Variants in NOG observed in about 807,000 individuals in gnomAD.
The protein encoded by NOG is noggin.
NOG carries 2 observed loss-of-function variants against 17.9 expected under a neutral mutation model. The observed-to-expected ratio is 0.11, with a 90% confidence interval of 0.05 to 0.35. NOG has a LOEUF of 0.35. Ranked by LOEUF, NOG falls within the 10% of genes least tolerant of loss-of-function variation. The pLI, the probability that NOG is intolerant of heterozygous loss-of-function variation, is 1.00. For synonymous variants in NOG, 166 were observed against 148.7 expected (o/e 1.12, Z -0.85); for missense variants, 266 against 318.6 (o/e 0.83, Z 1.26).
At position 56,595,255 on chromosome 17, in the gene NOG, A is replaced by T; in HGVS notation, c.*333A>T. On this transcript the variant is annotated 3_prime_UTR_variant, in exon 1 of 1. Transcript: ENST00000332822. ...AAAAAAAAAAGAACAGAGAAAAGAG[A>T]GACTTATTCTGGTTGTTGCTAATAA... 4.7e-6 allele frequency: 1 copy of T among 211,032 alleles called. No individual in the cohort carries two copies. 13.1% of individuals were successfully genotyped at this position (211,032 alleles called of 1,614,324 possible).
chr17:56,595,486 A>G lies in NOG; in HGVS notation c.*564A>G, dbSNP rs977932374. On this transcript the variant is annotated 3_prime_UTR_variant, in exon 1 of 1. Transcript: ENST00000332822. ...ATGTTATTTTACAGTTATTGTAAATATAGAGAACAAATGGAATGACTAATC... is the reference window on the plus strand; with the variant it reads ...ATGTTATTTTACAGTTATTGTAAATGTAGAGAACAAATGGAATGACTAATC... The G allele has an allele frequency of 1.2e-5, 2 of 167,166 alleles. No individual in the cohort carries two copies. Among genetic ancestry groups the G allele is most frequent in the Non-Finnish European group, 2.9e-5 (2 of 68,142 alleles). 10.4% of individuals were successfully genotyped at this position (167,166 alleles called of 1,614,324 possible).
rs2145566757 is a variant in NOG at position 56,594,071 on chromosome 17, T to C, written c.-153T>C. The stretch of plus-strand genomic sequence containing the variant: ...TGGGAGCCGGCGCTGCGCGAAGGGC[T>C]CTCCCGGCGGCTCATGCTGCCGGCC... On this transcript the variant is annotated 5_prime_UTR_variant, in exon 1 of 1. Coordinates refer to ENST00000332822, the MANE Select transcript of NOG (RefSeq NM_005450.6). 1.9e-6 allele frequency: 1 copy of C among 538,506 alleles called. No individual in the cohort carries two copies. 33.4% of individuals were successfully genotyped at this position (538,506 alleles called of 1,614,324 possible). A position where few individuals can be genotyped will look rare whatever the true frequency, so the allele number is the denominator to read the frequency against.
At position 56,594,892 on chromosome 17, in the gene NOG, C is replaced by G; in HGVS notation, c.669C>G (p.Pro223=). The change falls in exon 1 of 1, where the codon CCC becomes CCG. Residue 223 remains proline, a synonymous_variant. Transcript: ENST00000332822. The stretch of plus-strand genomic sequence containing the variant: ...GCGGCTGGATTCCCATCCAGTACCC[C>G]ATCATTTCCGAGTGCAAGTGCTCGT... ...QRCGWIPIQY[P]IISECKCSC is the part of the protein sequence containing the mutation. The G allele has an allele frequency of 6.3e-7, 1 of 1,595,620 alleles. No homozygotes were observed. The highest frequency in any genetic ancestry group is 1.3e-5 in the African/African-American group (1 of 74,672).
At position 56,594,974 on chromosome 17, in the gene NOG, G is replaced by T; in HGVS notation, c.*52G>T. 7.5e-7 allele frequency: 1 copy of T among 1,337,760 alleles called. No individual in the cohort carries two copies. Among genetic ancestry groups the T allele is most frequent in the Non-Finnish European group, 1.0e-6 (1 of 958,806 alleles). 82.9% of individuals were successfully genotyped at this position (1,337,760 alleles called of 1,614,324 possible). ...GGACACTTGATCGATCCCCACCGACGCCCCCTGCACCGCCTCCAACCAGTT... is the reference window on the plus strand; with the variant it reads ...GGACACTTGATCGATCCCCACCGACTCCCCCTGCACCGCCTCCAACCAGTT... On this transcript the variant is annotated 3_prime_UTR_variant, in exon 1 of 1. Transcript: ENST00000332822.
Position 56,594,287 on chromosome 17 carries a change from G to A in NOG, c.64G>A (p.Ala22Thr). 2 of 1,612,352 alleles carry A rather than the reference G, an allele frequency of 1.2e-6. No individual in the cohort carries two copies. The highest frequency in any genetic ancestry group is 1.7e-6 in the Non-Finnish European group (2 of 1,179,582). ...CCTGGTGGTGGTCCTGGGGCTGCGG[G>A]CGACACCGGCCGGCGGCCAGCACTA... ...YALVVVLGLR[A>T]TPAGGQHYLH... The change falls in exon 1 of 1, where the codon GCG (alanine) becomes ACG (threonine). Residue 22 changes from alanine (A) to threonine (T), a missense_variant. Around this residue, in one of 2 missense-constraint regions of NOG, gnomAD observed 192 missense variants for 197.6 expected, o/e 0.97. Coordinates refer to ENST00000332822, the MANE Select transcript of NOG (RefSeq NM_005450.6).
chr17:56,594,739 C>T lies in NOG; in HGVS notation c.516C>T (p.Tyr172=). Residue 172 remains tyrosine (Y), a synonymous_variant, in exon 1 of 1, where the codon TAC becomes TAT. Transcript: ENST00000332822. ...TGGGCAGCCGCTTTTGGCCGCGCTA[C>T]GTGAAGGTGGGCAGCTGCTTCAGTA... ...NDLGSRFWPR[Y]VKVGSCFSKR... is the part of the protein sequence containing the mutation. 2 of 1,613,934 alleles carry T rather than the reference C, an allele frequency of 1.2e-6. No homozygotes were observed. Among genetic ancestry groups the T allele is most frequent in the Non-Finnish European group, 1.7e-6 (2 of 1,179,886 alleles).
In NOG at chr17:56,595,011, T is replaced by G; in HGVS notation, c.*89T>G. 6.0e-6 allele frequency: 4 copies of G among 665,154 alleles called. No individual in the cohort carries two copies. The highest frequency in any genetic ancestry group is 1.0e-5 in the Non-Finnish European group (4 of 395,092). The allele number at this position is 665,154 out of a possible 1,614,324, so 41.2% of individuals were successfully genotyped here. A position where few individuals can be genotyped will look rare whatever the true frequency, so the allele number is the denominator to read the frequency against. ...GCCTCCAACCAGTTCCACCACCCTC[T>G]AGCGAGGGTTTTCAATGAACTTTTT... On this transcript the variant is annotated 3_prime_UTR_variant, in exon 1 of 1. Coordinates refer to ENST00000332822, the MANE Select transcript of NOG (RefSeq NM_005450.6).
rs755324318 is a variant in NOG, at chr17:56,594,683, T to G, written c.460T>G (p.Phe154Val). 6.2e-7 allele frequency: 1 copy of G among 1,613,788 alleles called. No individual in the cohort carries two copies. The highest frequency in any genetic ancestry group is 8.5e-7 in the Non-Finnish European group (1 of 1,179,944). The change falls in exon 1 of 1, where the codon TTC becomes GTC. Residue 154 changes from phenylalanine to valine, a missense_variant. Physicochemically the swap from Phe to Val is conservative, Grantham distance 50. Coordinates refer to ENST00000332822, the MANE Select transcript of NOG (RefSeq NM_005450.6). ...ACAGATGTGGCTGTGGTCGCAGACA[T>G]TCTGCCCCGTGCTGTACGCGTGGAA... ...KLQMWLWSQT[F>V]CPVLYAWNDL...
rs913873167 is a variant in NOG, at chr17:56,595,494, C to A, written c.*572C>A. 6.0e-6 allele frequency: 1 copy of A among 167,038 alleles called. No homozygotes were observed. The highest frequency in any genetic ancestry group is 2.4e-5 in the African/African-American group (1 of 41,438). 10.3% of individuals were successfully genotyped at this position (167,038 alleles called of 1,614,324 possible). A position where few individuals can be genotyped will look rare whatever the true frequency, so the allele number is the denominator to read the frequency against. ...TTACAGTTATTGTAAATATAGAGAACAAATGGAATGACTAATCATTGTAAA... is the reference window on the plus strand; with the variant it reads ...TTACAGTTATTGTAAATATAGAGAAAAAATGGAATGACTAATCATTGTAAA... On this transcript the variant is annotated 3_prime_UTR_variant, in exon 1 of 1. Coordinates refer to ENST00000332822, the MANE Select transcript of NOG (RefSeq NM_005450.6).
chr17:56,594,124 G>T lies in NOG; in HGVS notation c.-100G>T. The T allele has an allele frequency of 9.4e-7, 1 of 1,069,402 alleles. No individual in the cohort carries two copies. The highest frequency in any genetic ancestry group is 1.3e-6 in the Non-Finnish European group (1 of 777,680). 66.2% of individuals were successfully genotyped at this position (1,069,402 alleles called of 1,614,324 possible). A position where few individuals can be genotyped will look rare whatever the true frequency, so the allele number is the denominator to read the frequency against. On this transcript the variant is annotated 5_prime_UTR_variant, in exon 1 of 1. Transcript: ENST00000332822. ...GCGCCTGCCCAGCCTCGGGTGAGCC[G>T]CCTCCGGAGAGACGGGGGAGCGCGG...
chr17:56,594,904 G>C lies in NOG; in HGVS notation c.681G>C (p.Glu227Asp), dbSNP rs1272537705. The C allele has an allele frequency of 1.9e-6, 3 of 1,587,628 alleles. 1 individual carries two copies. Among genetic ancestry groups the C allele is most frequent in the East Asian group, 2.3e-5 (1 of 43,462 alleles). The change falls in exon 1 of 1, where the codon GAG becomes GAC. Residue 227 changes from glutamate to aspartate, a missense_variant. By Grantham distance (45) the Glu-to-Asp change is conservative. Around this residue, in one of 2 missense-constraint regions of NOG, gnomAD observed 74 missense variants for 121.0 expected, o/e 0.61. Transcript: ENST00000332822. ...CCATCCAGTACCCCATCATTTCCGA[G>C]TGCAAGTGCTCGTGCTAGAACTCGG... is the stretch of plus-strand genomic sequence containing the variant. Reference protein sequence around the residue: ...WIPIQYPIISECKCSC With the variant: ...WIPIQYPIISDCKCSC
chr17:56,595,024 C>G lies in NOG; in HGVS notation c.*102C>G, dbSNP rs2052474016. On this transcript the variant is annotated 3_prime_UTR_variant, in exon 1 of 1. Transcript: ENST00000332822. ...TCCACCACCCTCTAGCGAGGGTTTT[C>G]AATGAACTTTTTTTTTTTTTTTTTT... 2 of 452,760 alleles carry G rather than the reference C, an allele frequency of 4.4e-6. No homozygotes were observed. 28.0% of individuals were successfully genotyped at this position (452,760 alleles called of 1,614,324 possible).
rs764285839 is a variant in NOG at position 56,594,548 on chromosome 17, C to T, written c.325C>T (p.Arg109Trp). The T allele has an allele frequency of 6.3e-7, 1 of 1,592,396 alleles. No homozygotes were observed. Among genetic ancestry groups the T allele is most frequent in the Admixed American group, 1.8e-5 (1 of 56,738 alleles). ...CCTGGCGGAGCTGGACCAGCTGCTG[C>T]GGCAGCGGCCGTCGGGGGCCATGCC... ...EDLAELDQLL[R>W]QRPSGAMPSE... Residue 109 changes from arginine to tryptophan, a missense_variant, in exon 1 of 1, where the codon CGG becomes TGG. By Grantham distance (101) the Arg-to-Trp change is moderately radical. Transcript: ENST00000332822.
Position 56,594,528 on chromosome 17 carries a change from C to A in NOG, c.305C>A (p.Ala102Glu). The change falls in exon 1 of 1, where the codon GCG (alanine) becomes GAG (glutamate). Residue 102 changes from alanine to glutamate, a missense_variant. Around this residue, in one of 2 missense-constraint regions of NOG, gnomAD observed 192 missense variants for 197.6 expected, o/e 0.97. Transcript: ENST00000332822. ...GGAAGGAEDL[A>E]ELDQLLRQRP... is the part of the protein sequence containing the mutation. ...GCAGCTGGGGGCGCGGAGGACCTGG[C>A]GGAGCTGGACCAGCTGCTGCGGCAG... 2 of 1,601,218 alleles carry A rather than the reference C, an allele frequency of 1.2e-6. No homozygotes were observed. The highest frequency in any genetic ancestry group is 1.7e-6 in the Non-Finnish European group (2 of 1,173,170).
Position 56,593,933 on chromosome 17 carries a change from C to T in NOG, c.-291C>T, listed in dbSNP as rs985641651. The stretch of plus-strand genomic sequence containing the variant: ...GGAAGGCAGCGAGGAGCCGGCGCCT[C>T]CCGCGCCCCGCGGTCGCCCTGGAGT... On this transcript the variant is annotated 5_prime_UTR_variant, in exon 1 of 1. Coordinates refer to ENST00000332822, the MANE Select transcript of NOG (RefSeq NM_005450.6). The T allele has an allele frequency of 2.1e-5, 8 of 374,758 alleles. 1 individual carries two copies. The highest frequency in any genetic ancestry group is 2.1e-5 in the African/African-American group (1 of 46,754). The allele number at this position is 374,758 out of a possible 1,614,324, so 23.2% of individuals were successfully genotyped here.
At position 56,594,498 on chromosome 17, in the gene NOG, G is replaced by A. The variant is rs199566527; in HGVS notation, c.275G>A (p.Gly92Glu). 3,446 of 1,609,394 alleles carry A rather than the reference G, an allele frequency of 2.1e-3. 5 individuals carry two copies. The highest frequency in any genetic ancestry group is 2.6e-3 in the Non-Finnish European group (3,120 of 1,177,974). Residue 92 changes from glycine (G) to glutamate (E), a missense_variant, in exon 1 of 1, where the codon GGG (glycine) becomes GAG (glutamate). Gly to Glu is a moderately conservative substitution (Grantham distance 98). Coordinates refer to ENST00000332822, the MANE Select transcript of NOG (RefSeq NM_005450.6). ...SPPEDRPGGG[G>E]GAAGGAEDLA... ...CCCGAGGACCGGCCCGGCGGGGGCG[G>A]GGGTGCAGCTGGGGGCGCGGAGGAC...
At position 56,594,753 on chromosome 17, in the gene NOG, G is replaced by A. The variant is rs2052471473; in HGVS notation, c.530G>A (p.Ser177Asn). 6.2e-7 allele frequency: 1 copy of A among 1,613,762 alleles called. No homozygotes were observed. The highest frequency in any genetic ancestry group is 8.5e-7 in the Non-Finnish European group (1 of 1,179,846). Residue 177 changes from serine (S) to asparagine (N), a missense_variant, in exon 1 of 1, where the codon AGC becomes AAC. Around this residue, in one of 2 missense-constraint regions of NOG, gnomAD observed 74 missense variants for 121.0 expected, o/e 0.61. Coordinates refer to ENST00000332822, the MANE Select transcript of NOG (RefSeq NM_005450.6). ...TGGCCGCGCTACGTGAAGGTGGGCA[G>A]CTGCTTCAGTAAGCGCTCGTGCTCC... ...RFWPRYVKVG[S>N]CFSKRSCSVP... is the part of the protein sequence containing the mutation.
Position 56,594,582 on chromosome 17 carries a change from T to C in NOG, c.359T>C (p.Ile120Thr). ...CCGTCGGGGGCCATGCCGAGCGAGATCAAAGGGCTAGAGTTCTCCGAGGGC... is the reference window on the plus strand; with the variant it reads ...CCGTCGGGGGCCATGCCGAGCGAGACCAAAGGGCTAGAGTTCTCCGAGGGC... ...QRPSGAMPSE[I>T]KGLEFSEGLA... is the part of the protein sequence containing the mutation. Residue 120 changes from isoleucine (I) to threonine (T), a missense_variant, in exon 1 of 1, where the codon ATC (isoleucine) becomes ACC (threonine). Ile to Thr is a moderately conservative substitution (Grantham distance 89, BLOSUM62 -1). Transcript: ENST00000332822. 2 of 1,605,478 alleles carry C rather than the reference T, an allele frequency of 1.2e-6. No individual in the cohort carries two copies. The highest frequency in any genetic ancestry group is 1.7e-6 in the Non-Finnish European group (2 of 1,176,124).
chr17:56,593,981 C>T lies in NOG; in HGVS notation c.-243C>T. ...AGTAATTTCGGATGCCCAGCCGCGG[C>T]CGCCTTCCCCAGTAGACCCGGGAGA... On this transcript the variant is annotated 5_prime_UTR_variant, in exon 1 of 1. Coordinates refer to ENST00000332822, the MANE Select transcript of NOG (RefSeq NM_005450.6). The T allele has an allele frequency of 2.3e-6, 1 of 428,244 alleles. No homozygotes were observed. The highest frequency in any genetic ancestry group is 4.1e-6 in the Non-Finnish European group (1 of 245,604). 26.5% of individuals were successfully genotyped at this position (428,244 alleles called of 1,614,324 possible). A position where few individuals can be genotyped will look rare whatever the true frequency, so the allele number is the denominator to read the frequency against.
Sources: gnomAD v4.1 joint callset for allele counts on GRCh38, gnomAD v4.1.1 for gene constraint, gnomAD v4.1.1 regional missense constraint, MANE v1.5 for transcripts, NCBI Gene and HGNC (gene_info 2026-07-23, HGNC 2026-07-21) for gene names.